The following MAGEC3 variants were observed in gnomAD, a reference collection of about 807,000 sequenced individuals.
MAGEC3 encodes the protein MAGE family member C3, also known as melanoma-associated antigen C3.
MAGEC3 carries 34 observed loss-of-function variants against 35.3 expected under a neutral mutation model. The ratio of observed to expected loss-of-function variants is 0.96; its 90% CI spans 0.73 to 1.28. The LOEUF (loss-of-function observed/expected upper bound fraction) is 1.28, where lower values mean the gene tolerates loss of function less well. Ranked by LOEUF, MAGEC3 falls within the 50% of genes most tolerant of loss-of-function variation. The pLI, the probability that MAGEC3 is intolerant of heterozygous loss-of-function variation, is 0.00. For missense variants in MAGEC3, 561 were observed against 483.6 expected (o/e 1.16, Z -1.50); for synonymous variants, 202 against 185.6 (o/e 1.09, Z -0.72).
At chrX:141,841,651 T>C (rs2017686483) in intron 1 of MAGEC3, among the ~76,000 whole-genome samples, 1 of 112,057 alleles carries the variant, frequency 8.9e-6, no homozygotes, top group African/African-American at 3.2e-5. Context: ...TAGACACATA[T>C]TAAGCATTCA....
chrX:141,838,717 G>T (rs980685498), intron 1 of MAGEC3: 1 of 754,206 alleles, frequency 1.3e-6, no homozygotes, highest in Non-Finnish European at 1.6e-6. Context: ...AGTTCATCGG[G>T]GGTGAGGCTC....
rs2017708849 is a variant in MAGEC3, at chrX:141,845,184, G to T, written c.123+6746G>T. On this transcript the variant is annotated intron_variant, in intron 1 of 7. Coordinates refer to ENST00000298296, the MANE Select transcript of MAGEC3 (RefSeq NM_138702.1). The stretch of plus-strand genomic sequence containing the variant: ...TTAGTGCCAAGGACATTTTGCAAAT[G>T]TACTTATAATTTCATTTAGATACAA... 5.4e-5 allele frequency among the ~76,000 whole-genome samples: 6 copies of T among 110,809 alleles called. No homozygotes were observed. In the South Asian group the frequency reaches 2.2e-3, roughly 41 times the overall value.
chrX:141,852,484 A>G (rs1401454072), intron 1 of MAGEC3, among the ~76,000 whole-genome samples: 4 of 110,812 alleles, frequency 3.6e-5, no homozygotes, highest in African/African-American at 3.3e-5. Context: ...CTCTATGTTG[A>G]ATAGAAATGG....
intron 4 of MAGEC3, among the ~76,000 whole-genome samples, chrX:141,884,970 C>T (rs909162319): frequency 2.7e-5 from 3 of 111,382 alleles, no homozygotes; most frequent in African/African-American, 6.6e-5. Context: ...TAGAGAAAGA[C>T]CTGAAATTTC....
At chrX:141,887,384 G>C (rs1032139730) in intron 4 of MAGEC3, among the ~76,000 whole-genome samples, 2 of 112,218 alleles carry the variant, frequency 1.8e-5, no homozygotes, top group Non-Finnish European at 3.8e-5. Flanking sequence ...TGGACTTATT[G>C]GTGAGACATT....
intron 2 of MAGEC3, among the ~76,000 whole-genome samples, chrX:141,871,110 A>G (rs1457354165): frequency 8.9e-6 from 1 of 112,109 alleles, no homozygotes; most frequent in Non-Finnish European, 1.9e-5. Flanking sequence ...AGCTTTTTTT[A>G]AATAGACATT....
In MAGEC3 at chrX:141,896,947, CA is replaced by C. The variant is rs1459949524; in HGVS notation, c.1190del (p.Gln397ArgfsTer20). 8.4e-7 allele frequency: 1 copy of C among 1,187,808 alleles called. No individual in the cohort carries two copies. Among genetic ancestry groups the C allele is most frequent in the African/African-American group, 1.8e-5 (1 of 57,036 alleles). On this transcript the variant is annotated frameshift_variant, in exon 7 of 8. Transcript: ENST00000298296. LOFTEE classifies it high-confidence loss of function. ...CCAGAGTCCTCCTGAGATTCCTCCC[CA>C]GGGTCCTCCCAAGATCTCTCCCCAG... ...LPQSPPEIPP[Q>X]GPPKISPQGP... is the part of the protein sequence containing the mutation.
chrX:141,873,381 G>A (rs183054853), intron 2 of MAGEC3, among the ~76,000 whole-genome samples: 2 of 110,509 alleles, frequency 1.8e-5, no homozygotes, highest in East Asian at 5.8e-4. Context: ...TTGTATGAGG[G>A]TGAAGTTTGG....
intron 1 of MAGEC3, among the ~76,000 whole-genome samples, chrX:141,855,923 G>A (rs968793853): frequency 4.5e-5 from 5 of 111,559 alleles, no homozygotes; most frequent in African/African-American, 1.6e-4. Flanking sequence ...GTGCATCCAA[G>A]TTGGCGACTA....
rs569794913 is a variant in MAGEC3 at position 141,887,716 on chromosome X, C to T, written c.909+5920C>T. Among the ~76,000 whole-genome samples, 22 of 112,183 alleles carry T rather than the reference C, an allele frequency of 2.0e-4. No individual in the cohort carries two copies. The South Asian group carries it at 7.4e-3, about 38-fold the overall frequency. On this transcript the variant is annotated intron_variant, in intron 4 of 7. Coordinates refer to ENST00000298296, the MANE Select transcript of MAGEC3 (RefSeq NM_138702.1). ...GGCTGCTGTGCAAGCTGCCCTGCCA[C>T]TTGGGCCATATGATCCAGCAGATCC...
At chrX:141,881,845 G>T in intron 4 of MAGEC3, 49 bp downstream of exon 4, 1 of 1,202,278 alleles carries the variant, frequency 8.3e-7, no homozygotes, top group Non-Finnish European at 1.1e-6. Context: ...CAGGGAGCTT[G>T]TCACTAAAGT....
rs1458001391 is a variant in MAGEC3 at position 141,848,851 on chromosome X, G to A, written c.123+10413G>A. Among the ~76,000 whole-genome samples, 3 of 111,089 alleles carry A rather than the reference G, an allele frequency of 2.7e-5. No homozygotes were observed. In the East Asian group the frequency reaches 8.5e-4, roughly 31 times the overall value. ...ACTAAGGAAAGGACAAATACCTGAG[G>A]TGATGTATACCCCATTTACTTTGAT... is the stretch of plus-strand genomic sequence containing the variant. On this transcript the variant is annotated intron_variant, in intron 1 of 7. Coordinates refer to ENST00000298296, the MANE Select transcript of MAGEC3 (RefSeq NM_138702.1).
chrX:141,895,107 AG>A (rs2018076328), intron 4 of MAGEC3, among the ~76,000 whole-genome samples, 161 bp from the exon 5 acceptor site: 2 of 4,473 alleles, frequency 4.5e-4, no homozygotes, highest in Admixed American at 2.7e-3. Flanking sequence ...GGAGGGTGGG[AG>A]GGGGTAGGGA....
At chrX:141,880,194 G>A (rs1002993269) in intron 3 of MAGEC3, among the ~76,000 whole-genome samples, 5 of 111,650 alleles carry the variant, frequency 4.5e-5, no homozygotes, top group Admixed American at 1.9e-4. Context: ...GAGGACTGAG[G>A]AGTCACATGT....
chrX:141,884,550 T>C lies in MAGEC3; in HGVS notation c.909+2754T>C, dbSNP rs768669501. On this transcript the variant is annotated intron_variant, in intron 4 of 7. Coordinates refer to ENST00000298296, the MANE Select transcript of MAGEC3 (RefSeq NM_138702.1). ...ATACAGATTTTTGTACCAGGAGTGG[T>C]TCTAGAGAAACAGAATATTAAGGAT... Among the ~76,000 whole-genome samples, 8 of 111,288 alleles carry C rather than the reference T, an allele frequency of 7.2e-5. No homozygotes were observed. In the Admixed American group the frequency reaches 7.7e-4, roughly 11 times the overall value.
intron 1 of MAGEC3, chrX:141,838,924 A>G (rs1253760738): frequency 1.4e-6 from 1 of 692,447 alleles, no homozygotes; most frequent in African/African-American, 2.4e-5. Context: ...GGGCTCTAAA[A>G]TGGTACTTTG....
intron 4 of MAGEC3, among the ~76,000 whole-genome samples, chrX:141,889,941 G>A (rs1016156215): frequency 4.2e-4 from 47 of 112,569 alleles, no homozygotes; most frequent in Middle Eastern, 4.7e-3. Flanking sequence ...TTAAAAACAT[G>A]TTTGTGCGTG....
intron 2 of MAGEC3, among the ~76,000 whole-genome samples, chrX:141,878,534 G>C (rs1208920156): frequency 9.0e-6 from 1 of 111,238 alleles, no homozygotes. Context: ...CTGGGGCATG[G>C]TGGCCCACTG....
intron 1 of MAGEC3, 45 bp downstream of exon 1, chrX:141,838,483 G>A: frequency 8.4e-7 from 1 of 1,183,472 alleles, no homozygotes; most frequent in Non-Finnish European, 1.1e-6. Context: ...CAGGTTAACA[G>A]CCAGCTCTTC....
Sources: allele counts gnomAD v4.1 joint callset (sites outside exome capture counted in the v4.1 genomes callset), GRCh38; gene constraint gnomAD v4.1.1; transcripts MANE v1.5; gene names NCBI Gene and HGNC (gene_info 2026-07-23, HGNC 2026-07-21).